LARP1B: variants seen among roughly 807,000 people sequenced by gnomAD.
LARP1B encodes the protein la-related protein 1B.
Under a neutral mutation model 114.2 loss-of-function variants are expected in LARP1B, and 76 were observed. The ratio of observed to expected loss-of-function variants is 0.67; its 90% CI spans 0.55 to 0.81. The LOEUF (loss-of-function observed/expected upper bound fraction) is 0.81, where lower values mean the gene tolerates loss of function less well. Ranked by LOEUF, LARP1B falls within the 30% of genes least tolerant of loss-of-function variation. LARP1B has a pLI of 0.00. For missense variants in LARP1B, 1,014 were observed against 1,075.8 expected, an observed-to-expected ratio of 0.94 and a Z score of 0.80; for synonymous variants, 345 against 348.0, an observed-to-expected ratio of 0.99 and a Z score of 0.10.
At position 128,211,556 on chromosome 4, in the gene LARP1B, A is replaced by G; in HGVS notation, c.*1503A>G. ...AGTCAAATTTGAATATTCAGAAAAT[A>G]AATTTATTTAGATATATTGTAAAGA... On this transcript the variant is annotated 3_prime_UTR_variant, in exon 20 of 20. Coordinates refer to ENST00000326639, the MANE Select transcript of LARP1B (RefSeq NM_018078.4). 1 of 925,736 alleles carries G rather than the reference A, an allele frequency of 1.1e-6. No homozygotes were observed. Among genetic ancestry groups the G allele is most frequent in the Non-Finnish European group, 1.3e-6 (1 of 775,640 alleles). 57.3% of individuals were successfully genotyped at this position (925,736 alleles called of 1,614,324 possible).
Position 128,171,531 on chromosome 4 carries a change from C to T in LARP1B, c.1649-5341C>T, listed in dbSNP as rs575330006. ...CTTTCAAGCGTGTTTTACTTTCAAG[C>T]GTGTTTTAAATAACTTAAAAGGAGA... is the stretch of plus-strand genomic sequence containing the variant. On this transcript the variant is annotated intron_variant, in intron 12 of 19. Coordinates refer to ENST00000326639, the MANE Select transcript of LARP1B (RefSeq NM_018078.4). Among the ~76,000 whole-genome samples, 5 of 152,210 alleles carry T rather than the reference C, an allele frequency of 3.3e-5. No homozygotes were observed. The East Asian group carries it at 7.7e-4, about 23-fold the overall frequency.
intron 18 of LARP1B, chr4:128,206,966 G>A (rs1757785938): frequency 2.5e-6 from 1 of 393,636 alleles, no homozygotes; most frequent in South Asian, 1.0e-4. Context: ...GCCTACCCTT[G>A]CTAGCCTCAG....
rs997616176 is a variant in LARP1B, at chr4:128,206,520, A to G, written c.2402A>G (p.Lys801Arg). ...EIFQDFQEET[K>R]KDYESGQLYG... is the part of the protein sequence containing the mutation. ...TTTCAGGATTTCCAAGAAGAAACCAAAAAAGACTACGAATCTGGTAACAAT... is the reference window on the plus strand; with the variant it reads ...TTTCAGGATTTCCAAGAAGAAACCAGAAAAGACTACGAATCTGGTAACAAT... Residue 801 changes from lysine (K) to arginine (R), a missense_variant, in exon 18 of 20, where the codon AAA becomes AGA. Lys to Arg is a conservative substitution (Grantham distance 26). Transcript: ENST00000326639. 6.2e-7 allele frequency: 1 copy of G among 1,611,766 alleles called. No homozygotes were observed. Among genetic ancestry groups the G allele is most frequent in the African/African-American group, 1.3e-5 (1 of 74,770 alleles).
intron 11 of LARP1B, among the ~76,000 whole-genome samples, chr4:128,137,508 A>G (rs924390917): frequency 5.9e-5 from 9 of 151,926 alleles, no homozygotes; most frequent in African/African-American, 1.9e-4. Flanking sequence ...TTTATATTCC[A>G]TTGACTATAT....
chr4:128,062,592 C>CTTTTTTT lies in LARP1B; in HGVS notation c.-78+1203_-78+1209dup, dbSNP rs10659836. 9.4e-5 allele frequency among the ~76,000 whole-genome samples: 12 copies of CTTTTTTT among 128,256 alleles called. 1 individual carries two copies. The South Asian group carries it at 1.3e-3, about 13-fold the overall frequency. 84.1% of individuals were successfully genotyped at this position (128,256 alleles called of 152,430 possible). A position where few individuals can be genotyped will look rare whatever the true frequency, so the allele number is the denominator to read the frequency against. On this transcript the variant is annotated intron_variant, in intron 1 of 19. Coordinates refer to ENST00000326639, the MANE Select transcript of LARP1B (RefSeq NM_018078.4). ...CTTCGTATGGGAAAGTTTTGGTAGA[C>CTTTTTTT]TTTTTTTTTTTTTTTTTTACATAAA...
intron 17 of LARP1B, among the ~76,000 whole-genome samples, chr4:128,202,048 C>T (rs573977633): frequency 2.0e-5 from 3 of 152,198 alleles, no homozygotes; most frequent in South Asian, 2.1e-4. Context: ...AAACAAAGCC[C>T]GTTTAATTTT....
intron 11 of LARP1B, among the ~76,000 whole-genome samples, chr4:128,151,139 T>C (rs1472405791): frequency 2.0e-5 from 3 of 152,208 alleles, no homozygotes; most frequent in Non-Finnish European, 4.4e-5. Context: ...TCTTACCATA[T>C]TTCCTTTTTT....
intron 17 of LARP1B, among the ~76,000 whole-genome samples, chr4:128,203,440 C>T (rs1756657707): frequency 6.6e-6 from 1 of 150,642 alleles, no homozygotes; most frequent in African/African-American, 2.4e-5. Flanking sequence ...GTGTCGCGAT[C>T]TCGGCTCACT....
At chr4:128,205,914 A>C (rs1276552132) in intron 17 of LARP1B, among the ~76,000 whole-genome samples, 1 of 152,208 alleles carries the variant, frequency 6.6e-6, no homozygotes, top group Non-Finnish European at 1.5e-5. Context: ...GCAGGTTCTC[A>C]GTATACCTTC....
chr4:128,181,480 G>A (rs1356936679), intron 15 of LARP1B, among the ~76,000 whole-genome samples: 1 of 151,904 alleles, frequency 6.6e-6, no homozygotes, highest in Non-Finnish European at 1.5e-5. Context: ...GCGCCCAGCT[G>A]TCTCATCTAT....
intron 11 of LARP1B, among the ~76,000 whole-genome samples, chr4:128,135,119 AAATAAAT>A (rs925882227): frequency 1.4e-4 from 21 of 150,024 alleles, no homozygotes; most frequent in African/African-American, 5.1e-4. Context: ...ATAAATAAAT[AAATAAAT>A]AAATAAATAA....
intron 15 of LARP1B, among the ~76,000 whole-genome samples, chr4:128,189,410 A>T (rs191675341): frequency 9.6e-6 from 1 of 104,188 alleles, no homozygotes. Flanking sequence ...GTGTGTCTTT[A>T]TAGGTGATTT....
intron 14 of LARP1B, among the ~76,000 whole-genome samples, 170 bp downstream of exon 14, chr4:128,178,812 G>A (rs1388808886): frequency 6.6e-6 from 1 of 151,956 alleles, no homozygotes. Flanking sequence ...GAAATTTTTC[G>A]GTTGGGCACG....
intron 5 of LARP1B, among the ~76,000 whole-genome samples, chr4:128,090,362 C>T (rs34930540): frequency 0.043 from 6,503 of 152,280 alleles, 183 homozygotes; most frequent in Middle Eastern, 0.061. Flanking sequence ...CCTGAGCCAC[C>T]GCGCCCGGCC....
At chr4:128,132,525 G>A (rs569304481) in intron 11 of LARP1B, among the ~76,000 whole-genome samples, 2 of 152,046 alleles carry the variant, frequency 1.3e-5, no homozygotes, top group Admixed American at 1.3e-4. Context: ...AGATTACAGG[G>A]GTGAGCCACT....
At chr4:128,161,788 C>A (rs1229123250) in intron 11 of LARP1B, among the ~76,000 whole-genome samples, 1 of 152,142 alleles carries the variant, frequency 6.6e-6, no homozygotes, top group Admixed American at 6.5e-5. Flanking sequence ...TATCGCTCTT[C>A]ACATACTACC....
intron 14 of LARP1B, 33 bp from the exon 15 acceptor site, chr4:128,179,373 A>G: frequency 1.0e-5 from 14 of 1,401,154 alleles, no homozygotes; most frequent in Non-Finnish European, 1.4e-5. Context: ...CACTATTGAA[A>G]CTAATTGCAA....
At chr4:128,122,849 A>G in intron 11 of LARP1B, 1 of 1,038,888 alleles carries the variant, frequency 9.6e-7, no homozygotes, top group Non-Finnish European at 1.2e-6. Flanking sequence ...AGAGAACCAG[A>G]ATAGTTTATC....
At chr4:128,096,761 C>T (rs868152523) in intron 7 of LARP1B, among the ~76,000 whole-genome samples, 3 of 151,920 alleles carry the variant, frequency 2.0e-5, no homozygotes, top group East Asian at 1.9e-4. Context: ...CCACCACACC[C>T]GGCTAATTTT....
Sources: allele counts gnomAD v4.1 joint callset (sites outside exome capture counted in the v4.1 genomes callset), GRCh38; gene constraint gnomAD v4.1.1; transcripts MANE v1.5; gene names NCBI Gene and HGNC (gene_info 2026-07-23, HGNC 2026-07-21).